LINGO1: variants seen among roughly 807,000 people sequenced by gnomAD.
LINGO1 encodes the protein leucine-rich repeat and immunoglobulin-like domain-containing nogo receptor-interacting protein 1.
LINGO1 carries 11 observed loss-of-function variants against 37.3 expected under a neutral mutation model. That is an observed-to-expected ratio of 0.29 (90% CI 0.19 to 0.49). The LOEUF is 0.49. Ranked by LOEUF, LINGO1 falls within the 20% of genes least tolerant of loss-of-function variation. LINGO1 has a pLI of 0.99. For synonymous variants in LINGO1, 387 were observed against 403.0 expected (o/e 0.96, Z 0.48); for missense variants, 585 against 878.2 (o/e 0.67, Z 4.22).
chr15:77,683,868 C>A (rs1489816368), intron 2 of LINGO1, among the ~76,000 whole-genome samples: 5 of 152,092 alleles, frequency 3.3e-5, no homozygotes, highest in African/African-American at 1.2e-4. Context: ...CCTCCCATAA[C>A]CCCTCACAGG....
chr15:77,745,965 C>A (rs1252663285), intron 1 of LINGO1, among the ~76,000 whole-genome samples: 1 of 151,746 alleles, frequency 6.6e-6, no homozygotes, highest in Non-Finnish European at 1.5e-5. Context: ...CACGGTGGCT[C>A]ACATCTGCAA....
intron 2 of LINGO1, among the ~76,000 whole-genome samples, chr15:77,732,473 G>A (rs554184230): frequency 2.0e-5 from 3 of 152,342 alleles, no homozygotes; most frequent in Admixed American, 6.5e-5. Context: ...CACACAAAAC[G>A]TCAGGCTGGT....
chr15:77,749,635 C>T (rs533517113), intron 1 of LINGO1, among the ~76,000 whole-genome samples: 21 of 152,342 alleles, frequency 1.4e-4, no homozygotes, highest in Admixed American at 2.6e-4. Flanking sequence ...CCCACTCCCA[C>T]GGCTGCTGCG....
At chr15:77,820,768 C>G (rs1159547688), upstream of LINGO1, 2 of 152,396 alleles carry the variant, frequency 1.3e-5, no homozygotes, top group Admixed American at 6.5e-5. Flanking sequence ...CCTCAGCCCC[C>G]AGAGTCCCAC....
At chr15:77,716,735 C>G (rs1233896779) in intron 2 of LINGO1, among the ~76,000 whole-genome samples, 1 of 150,310 alleles carries the variant, frequency 6.7e-6, no homozygotes, top group Admixed American at 6.7e-5. Flanking sequence ...ACCTCCACTA[C>G]CAAGTCTGTC....
chr15:77,764,294 TC>T (rs1261759870), intron 1 of LINGO1, among the ~76,000 whole-genome samples: 6 of 152,106 alleles, frequency 3.9e-5, no homozygotes, highest in Non-Finnish European at 8.8e-5. Context: ...AAAATGCTCA[TC>T]CCCAACAAGT....
intron 1 of LINGO1, among the ~76,000 whole-genome samples, chr15:77,620,808 C>T (rs1013624989): frequency 6.6e-5 from 10 of 152,134 alleles, no homozygotes; most frequent in Non-Finnish European, 1.3e-4. Context: ...GGGCGTGCCC[C>T]CAGGGTCTCA....
At chr15:77,662,196 C>A (rs2075008997) in intron 3 of LINGO1, among the ~76,000 whole-genome samples, 1 of 152,186 alleles carries the variant, frequency 6.6e-6, no homozygotes, top group Non-Finnish European at 1.5e-5. Context: ...CCCCAGTGCA[C>A]AGCCCCAGTC....
At chr15:77,789,533 G>C (rs1465468214), upstream of LINGO1, among the ~76,000 whole-genome samples, 1 of 152,180 alleles carries the variant, frequency 6.6e-6, no homozygotes, top group Non-Finnish European at 1.5e-5. Flanking sequence ...CTTGAACCCA[G>C]GAGGCAGAGG....
intron 2 of LINGO1, among the ~76,000 whole-genome samples, chr15:77,717,212 GT>G (rs1246225299): frequency 6.6e-6 from 1 of 150,762 alleles, no homozygotes; most frequent in African/African-American, 2.4e-5. Context: ...TTATTGCTCT[GT>G]CCTCAATCTG....
At chr15:77,777,465 GCACACACACACACACACACA>G (rs112112009) in intron 1 of LINGO1, among the ~76,000 whole-genome samples, 2 of 140,004 alleles carry the variant, frequency 1.4e-5, no homozygotes, top group Admixed American at 7.0e-5. Context: ...ATACACACAC[GCACACACACACACACACACA>G]CACACACACA....
At chr15:77,804,456 G>A (rs928329415) in intron 1 of LINGO1, among the ~76,000 whole-genome samples, 1 of 152,242 alleles carries the variant, frequency 6.6e-6, no homozygotes, top group Non-Finnish European at 1.5e-5. Flanking sequence ...CAAGCTGTCT[G>A]GATAAGGGGT....
At chr15:77,770,706 G>C (rs555923790) in intron 1 of LINGO1, among the ~76,000 whole-genome samples, 13 of 152,220 alleles carry the variant, frequency 8.5e-5, no homozygotes, top group South Asian at 2.1e-4. Flanking sequence ...CCAGATCCGG[G>C]GACCCTTCAG....
chr15:77,728,188 T>C (rs2076121314), intron 2 of LINGO1, among the ~76,000 whole-genome samples: 1 of 152,102 alleles, frequency 6.6e-6, no homozygotes, highest in Non-Finnish European at 1.5e-5. Flanking sequence ...GGTCTGGCGG[T>C]GATCGATCCT....
At chr15:77,799,279 G>C (rs1445396020) in intron 1 of LINGO1, among the ~76,000 whole-genome samples, 3 of 152,174 alleles carry the variant, frequency 2.0e-5, no homozygotes, top group Admixed American at 2.0e-4. Context: ...ATCATGATCA[G>C]AGGGCGGGCG....
In LINGO1 at chr15:77,657,933, A is replaced by T. The variant is rs989114421; in HGVS notation, c.-13+19156T>A. On this transcript the variant is annotated intron_variant, in intron 3 of 3. Transcript: ENST00000559893. Reference sequence around the variant, plus strand: ...CGTGACAAAAATGTGTCAGATTTTTAAAAAACCGCACACACACACAAATGC... The same window carrying T: ...CGTGACAAAAATGTGTCAGATTTTTTAAAAACCGCACACACACACAAATGC... 1.3e-5 allele frequency among the ~76,000 whole-genome samples: 2 copies of T among 151,516 alleles called. 1 individual carries two copies. The highest frequency in any genetic ancestry group is 2.9e-5 in the Non-Finnish European group (2 of 68,038).
chr15:77,818,905 C>T (rs1481616326), intron 1 of LINGO1, among the ~76,000 whole-genome samples: 1 of 151,744 alleles, frequency 6.6e-6, no homozygotes, highest in African/African-American at 2.4e-5. Context: ...CCCCACTCCC[C>T]TCGCGTTCTC....
chr15:77,794,585 T>TAC (rs2076855754), intron 2 of LINGO1, among the ~76,000 whole-genome samples: 1 of 26,280 alleles, frequency 3.8e-5, no homozygotes, highest in Non-Finnish European at 1.1e-4. Flanking sequence ...TATATATATA[T>TAC]ATATATTTTT....
At chr15:77,619,696 A>G (rs1315248927) in intron 1 of LINGO1, among the ~76,000 whole-genome samples, 2 of 143,874 alleles carry the variant, frequency 1.4e-5, no homozygotes, top group Non-Finnish European at 3.0e-5. Context: ...CTGTAAAAAC[A>G]ATAAATAAAT....
Sources: gnomAD v4.1 joint callset for allele counts (sites outside exome capture counted in the v4.1 genomes callset) on GRCh38, gnomAD v4.1.1 for gene constraint, MANE v1.5 for transcripts, NCBI Gene and HGNC (gene_info 2026-07-23, HGNC 2026-07-21) for gene names.